Variants in OSBPL9 observed in about 807,000 individuals in gnomAD.
OSBPL9 encodes oxysterol-binding protein-related protein 9.
In OSBPL9, 40 loss-of-function variants were observed where a neutral mutation model predicts 106.6. That is an observed-to-expected ratio of 0.38 (90% CI 0.29 to 0.49). The LOEUF (loss-of-function observed/expected upper bound fraction) is 0.49. OSBPL9 is among the 20% of genes least tolerant of loss of function. The pLI, the probability that OSBPL9 is intolerant of heterozygous loss-of-function variation, is 0.97. For missense variants in OSBPL9, 609 were observed against 887.2 expected (o/e 0.69, Z 3.98); for synonymous variants, 269 against 295.4 (o/e 0.91, Z 0.92).
intron 12 of OSBPL9, among the ~76,000 whole-genome samples, chr1:51,767,035 C>T (rs1019179629): frequency 1.3e-4 from 20 of 151,520 alleles, no homozygotes; most frequent in Admixed American, 1.3e-3. Flanking sequence ...GCTGAGATCA[C>T]ACCACTGCAC....
intron 14 of OSBPL9, among the ~76,000 whole-genome samples, chr1:51,775,467 G>C (rs1464287121): frequency 6.6e-6 from 1 of 151,990 alleles, no homozygotes; most frequent in Non-Finnish European, 1.5e-5. Context: ...CCCCCAAACA[G>C]AGCATGATCT....
chr1:51,786,430 C>A, intron 21 of OSBPL9, 96 bp from the exon 22 acceptor site: 1 of 750,964 alleles, frequency 1.3e-6, no homozygotes, highest in South Asian at 1.7e-5. Context: ...GCATTTTGGA[C>A]CTAGAGAATT....
At chr1:51,564,313 G>A in the OSBPL9 span, among the ~76,000 whole-genome samples, 1 of 151,978 alleles carries the variant, frequency 6.6e-6, no homozygotes, top group South Asian at 2.1e-4. Context: ...AGTAAGATGG[G>A]AATTTCCCTT....
chr1:51,749,887 A>G (rs933099535), intron 7 of OSBPL9, among the ~76,000 whole-genome samples: 2 of 151,684 alleles, frequency 1.3e-5, no homozygotes, highest in Non-Finnish European at 2.9e-5. Context: ...TAAAAAAAAA[A>G]AAAAAGAAAA....
intron 21 of OSBPL9, chr1:51,786,139 GAAT>G: frequency 2.0e-6 from 1 of 505,058 alleles, no homozygotes; most frequent in Non-Finnish European, 3.5e-6. Flanking sequence ...AAACACTTGA[GAAT>G]AATATATGTA....
At chr1:51,602,240 C>A (rs941961590) in intron 2 of OSBPL9, among the ~76,000 whole-genome samples, 3 of 151,184 alleles carry the variant, frequency 2.0e-5, no homozygotes, top group African/African-American at 7.3e-5. Context: ...GATCTCCTGA[C>A]CTCGTGATCC....
At chr1:51,726,469 A>G (rs1663140198) in intron 4 of OSBPL9, among the ~76,000 whole-genome samples, 1 of 151,984 alleles carries the variant, frequency 6.6e-6, no homozygotes, top group South Asian at 2.1e-4. Context: ...CTGGGGTGAC[A>G]TTAGAGCAGA....
chr1:51,673,738 A>G (rs955428519), intron 3 of OSBPL9, among the ~76,000 whole-genome samples: 2 of 152,164 alleles, frequency 1.3e-5, no homozygotes, highest in Non-Finnish European at 2.9e-5. Flanking sequence ...GCACAGTGGT[A>G]TGCACCTGTA....
At chr1:51,617,471 TAG>T (rs1043429301) in intron 1 of OSBPL9, among the ~76,000 whole-genome samples, 1 of 152,094 alleles carries the variant, frequency 6.6e-6, no homozygotes, top group African/African-American at 2.4e-5. Context: ...GTTTCTTTCT[TAG>T]GGTCCGCTAT....
upstream of OSBPL9, among the ~76,000 whole-genome samples, chr1:51,615,904 T>C (rs1175462929): frequency 6.6e-6 from 1 of 152,144 alleles, no homozygotes; most frequent in Non-Finnish European, 1.5e-5. Flanking sequence ...AGTGTTTGCT[T>C]TCACCACAGA....
At chr1:51,527,958 CAA>C in the OSBPL9 span, among the ~76,000 whole-genome samples, 5,324 of 141,208 alleles carry the variant, frequency 0.038, 128 homozygotes, top group Non-Finnish European at 0.055. Context: ...ACTAAAAATA[CAA>C]AAAAAAAAAA....
At chr1:51,536,766 GA>G in the OSBPL9 span, among the ~76,000 whole-genome samples, 6 of 152,154 alleles carry the variant, frequency 3.9e-5, no homozygotes, top group African/African-American at 1.4e-4. Flanking sequence ...CTCATGAAGG[GA>G]TTTACATATT....
At chr1:51,548,398 T>C in the OSBPL9 span, among the ~76,000 whole-genome samples, 12,567 of 150,478 alleles carry the variant, frequency 0.084, 598 homozygotes, top group African/African-American at 0.11. Flanking sequence ...CACACCTAGC[T>C]TGGTTTTTAT....
At chr1:51,704,001 A>G (rs964690830) in intron 3 of OSBPL9, among the ~76,000 whole-genome samples, 20 of 152,190 alleles carry the variant, frequency 1.3e-4, no homozygotes, top group African/African-American at 4.3e-4. Flanking sequence ...TGATCATGGT[A>G]GATAAGCTTT....
chr1:51,537,091 T>C, the OSBPL9 span, among the ~76,000 whole-genome samples: 2 of 152,266 alleles, frequency 1.3e-5, no homozygotes, highest in Non-Finnish European at 2.9e-5. Flanking sequence ...TTTCTACTTC[T>C]ATCATTCCAT....
chr1:51,626,446 T>G (rs535800476), intron 1 of OSBPL9, among the ~76,000 whole-genome samples: 2 of 152,138 alleles, frequency 1.3e-5, no homozygotes, highest in African/African-American at 4.8e-5. Context: ...TTATTATTAT[T>G]ATGCAGTATA....
the OSBPL9 span, among the ~76,000 whole-genome samples, chr1:51,558,161 T>C: frequency 6.6e-6 from 1 of 151,834 alleles, no homozygotes; most frequent in South Asian, 2.1e-4. Context: ...GCGCCTGTAG[T>C]CCCAACTACT....
intron 1 of OSBPL9, among the ~76,000 whole-genome samples, chr1:51,647,045 G>T (rs1244220196): frequency 5.9e-5 from 9 of 152,142 alleles, no homozygotes; most frequent in Non-Finnish European, 4.4e-5. Context: ...TACATATGCG[G>T]TTACCTTGGG....
At chr1:51,750,923 T>C (rs1432249727) in intron 8 of OSBPL9, among the ~76,000 whole-genome samples, 1 of 152,236 alleles carries the variant, frequency 6.6e-6, no homozygotes, top group Non-Finnish European at 1.5e-5. Context: ...CTCATCTCTT[T>C]TACTTCTTCA....
Sources: gnomAD v4.1 joint callset for allele counts (sites outside exome capture counted in the v4.1 genomes callset) on GRCh38, gnomAD v4.1.1 for gene constraint, MANE v1.5 for transcripts, NCBI Gene and HGNC (gene_info 2026-07-23, HGNC 2026-07-21) for gene names.